The following LOC112694756 variants were observed in gnomAD, a reference collection of about 807,000 sequenced individuals.
chr16:30,070,142 A>C, the LOC112694756 span: 1 of 1,614,106 alleles, frequency 6.2e-7, no homozygotes, highest in Non-Finnish European at 8.5e-7. Context: ...TGTCAAGGAA[A>C]GTACACTCCG....
At chr16:30,062,841 G>A in the LOC112694756 span, among the ~76,000 whole-genome samples, 2 of 144,148 alleles carry the variant, frequency 1.4e-5, no homozygotes, top group African/African-American at 5.2e-5. Context: ...ACTCCATCTC[G>A]GAAAAAAAAA....
chr16:30,064,344 A>AG, the LOC112694756 span: 2 of 398,710 alleles, frequency 5.0e-6, no homozygotes, highest in Non-Finnish European at 8.8e-6. Flanking sequence ...TCAAGGGAGG[A>AG]GGGAGATTAG....
the LOC112694756 span, chr16:30,067,437 G>A: frequency 6.2e-7 from 1 of 1,613,594 alleles, no homozygotes; most frequent in African/African-American, 1.3e-5. Context: ...TAATTCCCAT[G>A]TGACACTCCC....
At chr16:30,069,037 A>G in the LOC112694756 span, 1 of 1,610,172 alleles carries the variant, frequency 6.2e-7, no homozygotes, top group Admixed American at 1.7e-5. Context: ...AGTGTTGTTA[A>G]TTTGCCTATT....
At chr16:30,063,268 A>T in the LOC112694756 span, among the ~76,000 whole-genome samples, 1 of 152,068 alleles carries the variant, frequency 6.6e-6, no homozygotes, top group South Asian at 2.1e-4. Flanking sequence ...GGTGAATGAG[A>T]CCCTCTATTT....
At chr16:30,069,450 C>G in the LOC112694756 span, 1 of 1,613,996 alleles carries the variant, frequency 6.2e-7, no homozygotes, top group Non-Finnish European at 8.5e-7. Flanking sequence ...GGGCTAACCC[C>G]TATCCTCTCC....
chr16:30,068,511 G>A, the LOC112694756 span: 1 of 987,036 alleles, frequency 1.0e-6, no homozygotes, highest in Non-Finnish European at 1.6e-6. Flanking sequence ...GCTGAGGCGG[G>A]AGGATCACTT....
the LOC112694756 span, among the ~76,000 whole-genome samples, chr16:30,063,233 T>C: frequency 9.9e-5 from 15 of 152,180 alleles, 1 homozygote; most frequent in Non-Finnish European, 2.9e-5. Context: ...GGTCTGTTCG[T>C]TGCACAGAGT....
chr16:30,068,924 C>G, the LOC112694756 span: 363 of 1,614,222 alleles, frequency 2.2e-4, 1 homozygote, highest in African/African-American at 4.3e-3. Flanking sequence ...CCTCAGCCCT[C>G]GCCATCATGG....
the LOC112694756 span, chr16:30,064,930 G>A: frequency 6.3e-6 from 1 of 159,494 alleles, no homozygotes; most frequent in Admixed American, 6.5e-5. Flanking sequence ...TTCGGGGACG[G>A]ATTTTCTTTT....
the LOC112694756 span, chr16:30,068,722 G>A: frequency 6.2e-7 from 1 of 1,614,252 alleles, no homozygotes; most frequent in Non-Finnish European, 8.5e-7. Flanking sequence ...TTGATTCTCT[G>A]CCCTACGAAC....
the LOC112694756 span, among the ~76,000 whole-genome samples, chr16:30,062,842 GAAAAAAA>G: frequency 2.5e-5 from 3 of 117,680 alleles, no homozygotes; most frequent in Non-Finnish European, 3.6e-5. Flanking sequence ...CTCCATCTCG[GAAAAAAA>G]AAAAAAAAAA....
the LOC112694756 span, chr16:30,069,886 G>A: frequency 2.5e-6 from 4 of 1,614,160 alleles, no homozygotes; most frequent in Non-Finnish European, 3.4e-6. Flanking sequence ...CAACCTCAAT[G>A]CCATTAACAA....
the LOC112694756 span, among the ~76,000 whole-genome samples, chr16:30,063,100 C>G: frequency 2.1e-4 from 32 of 149,780 alleles, no homozygotes; most frequent in African/African-American, 7.4e-4. Flanking sequence ...AAGATCGCAC[C>G]ATTGCACTCC....
the LOC112694756 span, chr16:30,065,705 A>ATTTT: frequency 5.9e-5 from 9 of 152,042 alleles, no homozygotes; most frequent in African/African-American, 2.2e-4. Flanking sequence ...TAAAGGAAAA[A>ATTTT]GCTCGGCGGA....
At chr16:30,069,476 ACCGTGCG>A in the LOC112694756 span, 1 of 1,613,760 alleles carries the variant, frequency 6.2e-7, no homozygotes, top group East Asian at 2.2e-5. Context: ...CCCACTACCC[ACCGTGCG>A]CCTGCTCTGC....
the LOC112694756 span, chr16:30,066,862 C>CT: frequency 3.9e-6 from 6 of 1,544,594 alleles, no homozygotes; most frequent in Non-Finnish European, 5.2e-6. Flanking sequence ...TTCTAAAATA[C>CT]TCCGGTTCGG....
the LOC112694756 span, chr16:30,068,926 C>T: frequency 1.9e-6 from 3 of 1,614,248 alleles, no homozygotes; most frequent in Admixed American, 3.3e-5. Context: ...TCAGCCCTCG[C>T]CATCATGGAA....
At chr16:30,070,247 G>A in the LOC112694756 span, 1 of 1,605,902 alleles carries the variant, frequency 6.2e-7, no homozygotes, top group African/African-American at 1.3e-5. Flanking sequence ...CAACACTCCA[G>A]GCCCTGCCCC....
Sources: gnomAD v4.1 joint callset for allele counts (sites outside exome capture counted in the v4.1 genomes callset) on GRCh38, gnomAD v4.1.1 for gene constraint, MANE v1.5 for transcripts.